The following FGF13 variants were observed in gnomAD, a reference collection of about 807,000 sequenced individuals.
The protein encoded by FGF13 is fibroblast growth factor homologous factor 2.
Under a neutral mutation model 19.5 loss-of-function variants are expected in FGF13, and 2 were observed. The ratio of observed to expected loss-of-function variants is 0.10; its 90% CI spans 0.04 to 0.32. The LOEUF is 0.32. Among genes scored for constraint, FGF13 ranks in the 10% least tolerant of loss-of-function variants. The pLI, the probability that FGF13 is intolerant of heterozygous loss-of-function variation, is 1.00. For synonymous variants in FGF13, 72 were observed against 76.9 expected, an observed-to-expected ratio of 0.94 and a Z score of 0.33; for missense variants, 113 against 192.7, an observed-to-expected ratio of 0.59 and a Z score of 2.45.
intron 1 of FGF13, among the ~76,000 whole-genome samples, chrX:138,977,759 G>C (rs1402676989): frequency 8.9e-6 from 1 of 111,787 alleles, no homozygotes; most frequent in African/African-American, 3.3e-5. Flanking sequence ...GAGTAACAAA[G>C]AGATGGACAG....
At chrX:138,916,068 G>T (rs1471813548) in intron 1 of FGF13, among the ~76,000 whole-genome samples, 3 of 111,784 alleles carry the variant, frequency 2.7e-5, no homozygotes, top group African/African-American at 9.8e-5. Flanking sequence ...TTTTTCAATT[G>T]GTCCTGCTGG....
chrX:138,895,094 TATACCTG>T (rs1343396791), intron 1 of FGF13, among the ~76,000 whole-genome samples: 16 of 112,131 alleles, frequency 1.4e-4, no homozygotes, highest in Non-Finnish European at 2.6e-4. Context: ...GCTCTGTAAA[TATACCTG>T]ATACTTTTCT....
chrX:138,740,903 A>G (rs1478823296), upstream of FGF13, among the ~76,000 whole-genome samples: 1 of 112,690 alleles, frequency 8.9e-6, no homozygotes, highest in African/African-American at 3.2e-5. Flanking sequence ...CCAGAAAACC[A>G]TTATTTTAAC....
At chrX:139,118,309 A>T (rs1236271271) in intron 1 of FGF13, among the ~76,000 whole-genome samples, 1 of 112,316 alleles carries the variant, frequency 8.9e-6, no homozygotes, top group Non-Finnish European at 1.9e-5. Flanking sequence ...TAATATTTTC[A>T]ACTTACTATG....
chrX:139,133,045 A>C (rs1017037901), intron 1 of FGF13, among the ~76,000 whole-genome samples: 1 of 111,543 alleles, frequency 9.0e-6, no homozygotes, highest in African/African-American at 3.3e-5. Context: ...ACATTTGGGT[A>C]ATGCTAGGTT....
chrX:138,753,871 T>C (rs1279351672), intron 3 of FGF13, among the ~76,000 whole-genome samples: 1 of 112,075 alleles, frequency 8.9e-6, no homozygotes, highest in East Asian at 2.8e-4. Context: ...AGCTGATTGA[T>C]CTCTTTACTG....
intron 3 of FGF13, among the ~76,000 whole-genome samples, chrX:138,685,256 G>T (rs1471990706): frequency 9.0e-6 from 1 of 111,017 alleles, no homozygotes; most frequent in East Asian, 2.8e-4. Flanking sequence ...TCTGCCACAA[G>T]ATCATACCAG....
intron 3 of FGF13, among the ~76,000 whole-genome samples, chrX:138,654,785 C>T (rs1019309629): frequency 2.9e-5 from 3 of 103,160 alleles, no homozygotes; most frequent in African/African-American, 1.1e-4. Flanking sequence ...ACATAAATAG[C>T]GGGGTGATGG....
intron 3 of FGF13, among the ~76,000 whole-genome samples, chrX:138,804,591 C>T (rs920210676): frequency 1.2e-4 from 13 of 112,205 alleles, no homozygotes; most frequent in Non-Finnish European, 2.4e-4. Flanking sequence ...CTTGAAACCA[C>T]ATATAATATT....
At chrX:138,826,588 C>T (rs372495601) in intron 3 of FGF13, among the ~76,000 whole-genome samples, 5 of 111,758 alleles carry the variant, frequency 4.5e-5, no homozygotes, top group Admixed American at 9.5e-5. Flanking sequence ...GCCGACTAAA[C>T]GGAAACAGAA....
At chrX:138,853,541 C>T (rs891761314), downstream of FGF13, among the ~76,000 whole-genome samples, 6 of 110,664 alleles carry the variant, frequency 5.4e-5, no homozygotes, top group African/African-American at 1.6e-4. Context: ...CAACCAAAGC[C>T]GCAATGGTTG....
chrX:139,134,210 C>T (rs1569456497), intron 1 of FGF13, among the ~76,000 whole-genome samples: 2 of 111,603 alleles, frequency 1.8e-5, no homozygotes, highest in East Asian at 5.7e-4. Flanking sequence ...TGTACTAATA[C>T]TATGTGTCCT....
chrX:139,057,284 G>A lies in FGF13; in HGVS notation c.-113+146132C>T, dbSNP rs144659755. On this transcript the variant is annotated intron_variant, in intron 1 of 2. Coordinates refer to the FGF13 transcript ENST00000421460. ...GAAGTTGGTATCAGTATTATTTTCT[G>A]AGTATCACAACATTATATAAAAACC... is the stretch of plus-strand genomic sequence containing the variant. 8.6e-3 allele frequency among the ~76,000 whole-genome samples: 949 copies of A among 109,858 alleles called. 10 individuals are homozygous for A. Among genetic ancestry groups the A allele is most frequent in the African/African-American group, 0.029 (875 of 30,195 alleles).
At chrX:138,726,400 A>G (rs2124281427) in intron 1 of FGF13, among the ~76,000 whole-genome samples, 1 of 111,834 alleles carries the variant, frequency 8.9e-6, no homozygotes, top group Non-Finnish European at 1.9e-5. Flanking sequence ...CTGATCTTCA[A>G]TTTTTTCTAT....
chrX:138,777,305 C>G (rs1243584605), intron 3 of FGF13, among the ~76,000 whole-genome samples: 1 of 111,594 alleles, frequency 9.0e-6, no homozygotes, highest in African/African-American at 3.3e-5. Flanking sequence ...CCAGGCAGTA[C>G]TGGCAATGGG....
At chrX:138,966,575 GAAGT>G (rs1435890299) in intron 1 of FGF13, among the ~76,000 whole-genome samples, 1 of 112,277 alleles carries the variant, frequency 8.9e-6, no homozygotes, top group Non-Finnish European at 1.9e-5. Flanking sequence ...ATTGTAACTG[GAAGT>G]AAGTAACTTG....
chrX:138,789,105 C>T (rs1043303262), intron 3 of FGF13, among the ~76,000 whole-genome samples: 10 of 112,044 alleles, frequency 8.9e-5, no homozygotes, highest in African/African-American at 2.6e-4. Context: ...TCTGAAATTT[C>T]ATCAGAATGG....
At chrX:138,750,312 T>C (rs1463624464) in intron 3 of FGF13, among the ~76,000 whole-genome samples, 1 of 112,306 alleles carries the variant, frequency 8.9e-6, no homozygotes, top group Non-Finnish European at 1.9e-5. Context: ...ATTAGAGCAA[T>C]AATTATTTCC....
At chrX:139,034,753 A>G (rs1285436679) in intron 1 of FGF13, among the ~76,000 whole-genome samples, 1 of 111,900 alleles carries the variant, frequency 8.9e-6, no homozygotes, top group African/African-American at 3.2e-5. Context: ...TCTTCTAAGG[A>G]TAGATGAATG....
Sources: gnomAD v4.1 joint callset for allele counts (sites outside exome capture counted in the v4.1 genomes callset) on GRCh38, gnomAD v4.1.1 for gene constraint, MANE v1.5 for transcripts, NCBI Gene and HGNC (gene_info 2026-07-23, HGNC 2026-07-21) for gene names.